DOCK6: variants seen among roughly 807,000 people sequenced by gnomAD.
DOCK6 encodes dedicator of cytokinesis 6, also known as dedicator of cytokinesis protein 6.
DOCK6 carries 167 observed loss-of-function variants against 230.3 expected under a neutral mutation model. The ratio of observed to expected loss-of-function variants is 0.73; its 90% confidence interval spans 0.64 to 0.82. The LOEUF is 0.82. Ranked by LOEUF, DOCK6 falls within the 40% of genes least tolerant of loss-of-function variation. DOCK6 has a pLI of 0.00. For missense variants in DOCK6, 2,598 were observed against 2,825.8 expected, an observed-to-expected ratio of 0.92 and a Z score of 1.83; for synonymous variants, 1,148 against 1,185.0, an observed-to-expected ratio of 0.97 and a Z score of 0.64.
In DOCK6 at chr19:11,236,919, C is replaced by A; in HGVS notation, c.2074-40G>T. 6.5e-7 allele frequency: 1 copy of A among 1,533,204 alleles called. No homozygotes were observed. The highest frequency in any genetic ancestry group is 1.2e-5 in the South Asian group (1 of 83,388). The allele number at this position is 1,533,204 out of a possible 1,614,324, so 95.0% of individuals were successfully genotyped here. On this transcript the variant is annotated intron_variant, in intron 18 of 47. Transcript: ENST00000294618. The surrounding 1 kb of genome is among the most constrained non-coding windows in gnomAD (Gnocchi z 5.2). ...CACCAGGTGGGCACTGGTCAGCCCT[C>A]CCTGACTGATCAGGTCACCCAGCGG...
At position 11,236,888 on chromosome 19, in the gene DOCK6, G is replaced by C; in HGVS notation, c.2074-9C>G. ...ATGCCCGGAAGCGCCACCTGTGGGA[G>C]GGAGGCACCAGGTGGGCACTGGTCA... On this transcript the variant is annotated splice_polypyrimidine_tract_variant and intron_variant, in intron 18 of 47. Transcript: ENST00000294618. The surrounding 1 kb of genome is among the most constrained non-coding windows in gnomAD (Gnocchi z 5.2). 6.4e-7 allele frequency: 1 copy of C among 1,550,760 alleles called. No homozygotes were observed. Among genetic ancestry groups the C allele is most frequent in the Non-Finnish European group, 8.7e-7 (1 of 1,147,202 alleles).
chr19:11,229,382 G>A, intron 22 of DOCK6: 1 of 1,095,782 alleles, frequency 9.1e-7, no homozygotes, highest in Non-Finnish European at 1.1e-6. Context: ...TAGAGTTGCA[G>A]TCGATGGCCT....
chr19:11,200,160 CAAAA>C lies in DOCK6; in HGVS notation c.6101+144_6101+147del, dbSNP rs967826229. 1.9e-4 allele frequency: 120 copies of C among 622,312 alleles called. No homozygotes were observed. The highest frequency in any genetic ancestry group is 2.5e-4 in the Non-Finnish European group (107 of 421,554). The allele number at this position is 622,312 out of a possible 1,614,324, so 38.5% of individuals were successfully genotyped here. On this transcript the variant is annotated intron_variant, in intron 47 of 47. Coordinates refer to ENST00000294618, the MANE Select transcript of DOCK6 (RefSeq NM_020812.4). This position sits in a 1 kb window ranked among gnomAD's most constrained non-coding sequence, Gnocchi z 4.3. ...AGGGAGAGTCTCTCAAAAAAAAAAA[CAAAA>C]AAAAAACCGGAAACAAAACAAAGTC... is the stretch of plus-strand genomic sequence containing the variant.
intron 1 of DOCK6, among the ~76,000 whole-genome samples, chr19:11,259,414 G>C (rs1210114193): frequency 2.0e-5 from 3 of 151,012 alleles, no homozygotes; most frequent in African/African-American, 7.3e-5. Flanking sequence ...GCTTGTGTTT[G>C]CCAATATATT....
intron 1 of DOCK6, among the ~76,000 whole-genome samples, chr19:11,256,730 C>T (rs573763925): frequency 8.5e-5 from 13 of 152,086 alleles, no homozygotes; most frequent in Non-Finnish European, 1.5e-4. Context: ...CAGGCTAGAG[C>T]GCAGTGGCAT....
At position 11,262,362 on chromosome 19, in the gene DOCK6, G is replaced by T. The variant is rs577730691; in HGVS notation, c.44+35C>A. ...GCCCCGGGGCGGAGCCGGGCCACGT[G>T]GGGGAGGTGGGAGGGGGCCCCGCGG... is the stretch of plus-strand genomic sequence containing the variant. On this transcript the variant is annotated intron_variant, in intron 1 of 47. Transcript: ENST00000294618. 7.9e-5 allele frequency: 98 copies of T among 1,244,188 alleles called. 1 individual carries two copies. Among genetic ancestry groups the T allele is most frequent in the South Asian group, 5.9e-4 (18 of 30,642 alleles). The allele number at this position is 1,244,188 out of a possible 1,614,324, so 77.1% of individuals were successfully genotyped here. A position where few individuals can be genotyped will look rare whatever the true frequency, so the allele number is the denominator to read the frequency against.
intron 39 of DOCK6, among the ~76,000 whole-genome samples, chr19:11,207,893 G>T (rs759762846): frequency 1.3e-5 from 2 of 152,076 alleles, no homozygotes; most frequent in Admixed American, 1.3e-4. Flanking sequence ...TCACGCCACC[G>T]CACTCCAGCC....
In DOCK6 at chr19:11,204,100, G is replaced by A; in HGVS notation, c.5221-5C>T. 6.5e-7 allele frequency: 1 copy of A among 1,550,378 alleles called. No individual in the cohort carries two copies. The highest frequency in any genetic ancestry group is 8.7e-7 in the Non-Finnish European group (1 of 1,146,742). ...ACTCACCTCCCAGCCGGAACTCTGT[G>A]GGGAAGAGAAGGGTCAAGGTCAGCA... On this transcript the variant is annotated splice_region_variant and splice_polypyrimidine_tract_variant and intron_variant, in intron 40 of 47. Transcript: ENST00000294618.
At chr19:11,223,174 C>T in intron 24 of DOCK6, 68 bp from the exon 25 acceptor site, 1 of 1,427,366 alleles carries the variant, frequency 7.0e-7, no homozygotes, top group South Asian at 1.2e-5. Flanking sequence ...TGGCTCTCAC[C>T]AAGATCATCT....
intron 14 of DOCK6, chr19:11,241,825 A>G (rs1203770700): frequency 3.5e-6 from 5 of 1,420,108 alleles, no homozygotes; most frequent in Non-Finnish European, 4.8e-6. Context: ...CACAGAGCAG[A>G]GACAGACGCA....
intron 14 of DOCK6, chr19:11,239,804 C>T (rs532252931): frequency 1.1e-5 from 18 of 1,607,018 alleles, no homozygotes; most frequent in South Asian, 3.3e-5. Flanking sequence ...TACAGGACCA[C>T]GGAGGGACGG....
At chr19:11,258,169 A>G (rs1309038013) in intron 1 of DOCK6, among the ~76,000 whole-genome samples, 1 of 152,164 alleles carries the variant, frequency 6.6e-6, no homozygotes, top group Non-Finnish European at 1.5e-5. Context: ...CCAGCAATGA[A>G]AAAGGATTGC....
chr19:11,236,557 GA>G lies in DOCK6; in HGVS notation c.2180del (p.Phe727SerfsTer22). 1 of 1,595,872 alleles carries G rather than the reference GA, an allele frequency of 6.3e-7. No individual in the cohort carries two copies. Among genetic ancestry groups the G allele is most frequent in the South Asian group, 1.1e-5 (1 of 87,772 alleles). On this transcript the variant is annotated frameshift_variant, in exon 20 of 48. Transcript: ENST00000294618. LOFTEE classifies it high-confidence loss of function. The surrounding 1 kb of genome is among the most constrained non-coding windows in gnomAD (Gnocchi z 5.2). ...VHPQDPYLDKFFTLVHVLEEG... is the reference protein window; with the variant it reads ...VHPQDPYLDKXFTLVHVLEEG... Reference sequence around the variant, plus strand: ...CCTCCAGGACGTGCACCAGGGTGAAGAATTTGTCCAGGTAGGGGTCCTGGGT... The same window carrying G: ...CCTCCAGGACGTGCACCAGGGTGAAGATTTGTCCAGGTAGGGGTCCTGGGT...
chr19:11,258,177 T>C (rs942484922), intron 1 of DOCK6, among the ~76,000 whole-genome samples: 1 of 152,128 alleles, frequency 6.6e-6, no homozygotes, highest in African/African-American at 2.4e-5. Context: ...GAAAAAGGAT[T>C]GCAGGCAATG....
intron 1 of DOCK6, 71 bp from the exon 2 acceptor site, chr19:11,253,797 G>A (rs1379476922): frequency 6.3e-6 from 7 of 1,108,718 alleles, no homozygotes; most frequent in South Asian, 1.6e-5. Flanking sequence ...TTCTTTCTAT[G>A]AGGAAAATCC....
intron 3 of DOCK6, 107 bp downstream of exon 3, chr19:11,252,676 G>C: frequency 6.3e-7 from 1 of 1,596,792 alleles, no homozygotes; most frequent in South Asian, 1.1e-5. Flanking sequence ...GAAAAAGCAT[G>C]GCTTGTCCAA....
At chr19:11,252,091 C>T (rs1470582248) in intron 5 of DOCK6, 28 bp downstream of exon 5, 1 of 1,578,524 alleles carries the variant, frequency 6.3e-7, no homozygotes, top group Admixed American at 1.8e-5. Context: ...CATACCCCTT[C>T]AGTGACCCCA....
chr19:11,232,393 G>GTA, intron 22 of DOCK6: 2 of 863,296 alleles, frequency 2.3e-6, no homozygotes, highest in Non-Finnish European at 3.2e-6. Flanking sequence ...GTGCCCACAT[G>GTA]TGCACCTACA....
In DOCK6 at chr19:11,246,025, T is replaced by A. The variant is rs1181195518; in HGVS notation, c.807-147A>T. The stretch of plus-strand genomic sequence containing the variant: ...CTTAAGGGCTTGCAGAAAAGGTACA[T>A]CTCATTTTGCAAAAGGGGAAACTGA... On this transcript the variant is annotated intron_variant, in intron 7 of 47. Coordinates refer to ENST00000294618, the MANE Select transcript of DOCK6 (RefSeq NM_020812.4). 4.4e-6 allele frequency: 4 copies of A among 914,274 alleles called. No individual in the cohort carries two copies. In the East Asian group the frequency reaches 8.1e-5, roughly 19 times the overall value. 56.6% of individuals were successfully genotyped at this position (914,274 alleles called of 1,614,324 possible).
Sources: gnomAD v4.1 joint callset for allele counts (sites outside exome capture counted in the v4.1 genomes callset) on GRCh38, gnomAD v4.1.1 for gene constraint, Gnocchi (gnomAD v3.1) non-coding constraint, MANE v1.5 for transcripts, NCBI Gene and HGNC (gene_info 2026-07-23, HGNC 2026-07-21) for gene names.